SLC39A11: variants seen among roughly 807,000 people sequenced by gnomAD.
SLC39A11 encodes zinc transporter ZIP11.
A neutral mutation model predicts 36.1 loss-of-function variants in SLC39A11; 33 were observed. That is an observed-to-expected ratio of 0.91 (90% CI 0.69 to 1.22). The LOEUF is 1.22. SLC39A11 is among the 50% of genes most tolerant of loss of function. The pLI is 0.00. For missense variants in SLC39A11, 432 were observed against 430.3 expected (o/e 1.00, Z -0.03); for synonymous variants, 166 against 170.3 (o/e 0.97, Z 0.20).
intron 7 of SLC39A11, among the ~76,000 whole-genome samples, chr17:72,675,460 T>C (rs2071214966): frequency 6.6e-6 from 1 of 152,228 alleles, no homozygotes; most frequent in Admixed American, 6.5e-5. Context: ...CGGCATTTTG[T>C]TTTGGTAGCC....
intron 4 of SLC39A11, among the ~76,000 whole-genome samples, chr17:73,002,834 T>C (rs1041305394): frequency 6.6e-6 from 1 of 152,168 alleles, no homozygotes; most frequent in African/African-American, 2.4e-5. Flanking sequence ...TAGGGAAGAA[T>C]CTGTTCCTTG....
intron 4 of SLC39A11, among the ~76,000 whole-genome samples, chr17:72,965,978 G>C (rs1197888073): frequency 6.6e-6 from 1 of 152,214 alleles, no homozygotes; most frequent in Admixed American, 6.5e-5. Flanking sequence ...CCCATTCCAT[G>C]GAAGAGAAAA....
chr17:72,677,542 C>T (rs559780308), intron 7 of SLC39A11, among the ~76,000 whole-genome samples: 16 of 151,950 alleles, frequency 1.1e-4, no homozygotes, highest in Admixed American at 5.9e-4. Flanking sequence ...GGAAGTGACG[C>T]GGCCATCTTT....
chr17:72,891,496 C>A (rs1337560004), intron 5 of SLC39A11, among the ~76,000 whole-genome samples: 4 of 152,150 alleles, frequency 2.6e-5, no homozygotes, highest in Non-Finnish European at 5.9e-5. Flanking sequence ...CAATCTCCCA[C>A]CCTCATAGCC....
chr17:72,791,900 T>C (rs996730055), intron 6 of SLC39A11, among the ~76,000 whole-genome samples: 21 of 152,254 alleles, frequency 1.4e-4, no homozygotes, highest in African/African-American at 4.6e-4. Context: ...ACCCTGCAGA[T>C]CTGTGAGTCA....
chr17:72,843,560 G>A (rs374999547), intron 6 of SLC39A11, among the ~76,000 whole-genome samples: 6 of 152,106 alleles, frequency 3.9e-5, no homozygotes, highest in South Asian at 4.1e-4. Flanking sequence ...AGGATACAAC[G>A]AGAAGACAGT....
At chr17:72,887,657 T>C (rs1413288593) in intron 5 of SLC39A11, among the ~76,000 whole-genome samples, 1 of 152,210 alleles carries the variant, frequency 6.6e-6, no homozygotes, top group Non-Finnish European at 1.5e-5. Flanking sequence ...ATTACTGATA[T>C]AAAAGATTGC....
intron 3 of SLC39A11, among the ~76,000 whole-genome samples, chr17:73,032,838 T>C (rs1180571196): frequency 6.6e-6 from 1 of 152,224 alleles, no homozygotes; most frequent in African/African-American, 2.4e-5. Context: ...AAGATTTACA[T>C]TTGATATCTT....
At chr17:72,693,797 G>T (rs2144472074) in intron 7 of SLC39A11, among the ~76,000 whole-genome samples, 1 of 152,214 alleles carries the variant, frequency 6.6e-6, no homozygotes, top group South Asian at 2.1e-4. Context: ...CAAGCAGCTG[G>T]AATTACAGGC....
chr17:72,899,003 C>T (rs182832712), intron 5 of SLC39A11, among the ~76,000 whole-genome samples: 15 of 149,980 alleles, frequency 1.0e-4, no homozygotes, highest in South Asian at 2.2e-4. Context: ...AGCCACTTGA[C>T]CGACCCCCAT....
At chr17:72,939,703 T>C (rs2084978160) in intron 5 of SLC39A11, among the ~76,000 whole-genome samples, 2 of 152,160 alleles carry the variant, frequency 1.3e-5, no homozygotes, top group South Asian at 4.1e-4. Context: ...CAAAAGAAGT[T>C]AGAAAATTTC....
intron 4 of SLC39A11, among the ~76,000 whole-genome samples, chr17:72,951,654 T>C (rs1236745011): frequency 6.6e-6 from 1 of 152,156 alleles, no homozygotes; most frequent in African/African-American, 2.4e-5. Flanking sequence ...ATATCTGTAA[T>C]TCACAGCCAT....
intron 3 of SLC39A11, among the ~76,000 whole-genome samples, chr17:73,033,874 C>T (rs2058819437): frequency 1.3e-5 from 2 of 152,350 alleles, no homozygotes; most frequent in South Asian, 2.1e-4. Context: ...AAATTCCCTT[C>T]TTCCAGCTGT....
At chr17:72,827,040 T>C (rs1270902712) in intron 6 of SLC39A11, among the ~76,000 whole-genome samples, 1 of 152,214 alleles carries the variant, frequency 6.6e-6, no homozygotes, top group Non-Finnish European at 1.5e-5. Flanking sequence ...TACAAAAACT[T>C]GTACATGAAA....
At chr17:72,665,379 G>C (rs2070684905) in intron 7 of SLC39A11, among the ~76,000 whole-genome samples, 1 of 101,046 alleles carries the variant, frequency 9.9e-6, no homozygotes, top group African/African-American at 3.5e-5. Context: ...AAGCCACCAA[G>C]TTTTGAGGTG....
rs182325333 is a variant in SLC39A11, at chr17:72,738,413, C to G, written c.602-1694G>C. 4.6e-5 allele frequency among the ~76,000 whole-genome samples: 7 copies of G among 152,274 alleles called. 1 individual carries two copies. Among genetic ancestry groups the G allele is most frequent in the Middle Eastern group, 3.4e-3 (1 of 294 alleles). On this transcript the variant is annotated intron_variant, in intron 6 of 9. Coordinates refer to ENST00000255559, the MANE Select transcript of SLC39A11 (RefSeq NM_139177.4). Reference sequence around the variant, plus strand: ...TCTACACTGATGGGGTGGCTGGAGTCGAGTGTGCAGCGTGGGGCTAGACAA... The same window carrying G: ...TCTACACTGATGGGGTGGCTGGAGTGGAGTGTGCAGCGTGGGGCTAGACAA...
intron 4 of SLC39A11, among the ~76,000 whole-genome samples, chr17:73,024,931 GTCTTGAAC>G (rs1279451129): frequency 9.3e-4 from 133 of 143,116 alleles, no homozygotes; most frequent in African/African-American, 3.4e-3. Context: ...GGCCAGGCTG[GTCTTGAAC>G]TCCTGACCTC....
intron 6 of SLC39A11, among the ~76,000 whole-genome samples, chr17:72,805,112 C>G (rs2077208176): frequency 6.6e-6 from 1 of 152,106 alleles, no homozygotes; most frequent in South Asian, 2.1e-4. Context: ...TAAATAAATA[C>G]CAGGTCTGTT....
At chr17:73,035,727 C>A (rs942581213) in intron 3 of SLC39A11, among the ~76,000 whole-genome samples, 1 of 151,486 alleles carries the variant, frequency 6.6e-6, no homozygotes, top group Non-Finnish European at 1.5e-5. Context: ...AGCCGGGCAT[C>A]GTGGCAGGCA....
Sources: allele counts gnomAD v4.1 joint callset (sites outside exome capture counted in the v4.1 genomes callset), GRCh38; gene constraint gnomAD v4.1.1; transcripts MANE v1.5; gene names NCBI Gene and HGNC (gene_info 2026-07-23, HGNC 2026-07-21).